Variants in B3GALT1 observed in about 807,000 individuals in gnomAD.
B3GALT1 encodes the protein UDP-Gal:betaGlcNAc beta 1,3-galactosyltransferase, polypeptide 1.
A neutral mutation model predicts 23.2 loss-of-function variants in B3GALT1; 10 were observed. The ratio of observed to expected loss-of-function variants is 0.43; its 90% CI spans 0.27 to 0.73. B3GALT1 has a LOEUF of 0.73. B3GALT1 is among the 30% of genes least tolerant of loss of function. The pLI is 0.21. For missense variants in B3GALT1, 299 were observed against 405.4 expected, an observed-to-expected ratio of 0.74 and a Z score of 2.25; for synonymous variants, 156 against 141.5, an observed-to-expected ratio of 1.10 and a Z score of -0.73.
intron 4 of B3GALT1, among the ~76,000 whole-genome samples, chr2:167,844,561 A>T (rs1259766983): frequency 6.6e-6 from 1 of 152,222 alleles, no homozygotes; most frequent in Non-Finnish European, 1.5e-5. Context: ...CTAGCGAAAT[A>T]CAGGGGTAGA....
chr2:167,716,175 A>T (rs1217147962), intron 3 of B3GALT1: 1 of 1,167,906 alleles, frequency 8.6e-7, no homozygotes, highest in Non-Finnish European at 1.2e-6. Context: ...AACCAACCGG[A>T]GCGGACTACT....
chr2:167,869,749 C>T lies in B3GALT1; in HGVS notation c.710C>T (p.Ser237Leu). 1.2e-6 allele frequency: 2 copies of T among 1,614,102 alleles called. No homozygotes were observed. Among genetic ancestry groups the T allele is most frequent in the African/African-American group, 1.3e-5 (1 of 75,018 alleles). ...GACAGTAACTACCCACCTTTCTGTTCGGGGACTGGCTACATCTTTTCAGCC... is the reference window on the plus strand; with the variant it reads ...GACAGTAACTACCCACCTTTCTGTTTGGGGACTGGCTACATCTTTTCAGCC... ...YPDSNYPPFC[S>L]GTGYIFSADV... The change falls in exon 5 of 5, where the codon TCG (serine) becomes TTG (leucine). Residue 237 changes from serine to leucine, a missense_variant. Ser to Leu is a moderately radical substitution (Grantham distance 145). Coordinates refer to ENST00000392690, the MANE Select transcript of B3GALT1 (RefSeq NM_020981.4). This position sits in a 1 kb window ranked among gnomAD's most constrained non-coding sequence, Gnocchi z 6.4.
chr2:167,477,845 C>G (rs1192638559), intron 1 of B3GALT1, among the ~76,000 whole-genome samples: 1 of 152,188 alleles, frequency 6.6e-6, no homozygotes, highest in Non-Finnish European at 1.5e-5. Context: ...TTTGTCCACC[C>G]ATGCTTTTCC....
intron 3 of B3GALT1, chr2:167,714,261 G>A (rs928615472): frequency 2.4e-4 from 355 of 1,501,868 alleles, no homozygotes; most frequent in Non-Finnish European, 2.6e-4. Context: ...ATCATCCTAC[G>A]GTCCTGTTCC....
chr2:167,622,144 G>A lies in B3GALT1; in HGVS notation c.-409-24765G>A, dbSNP rs144694203. On this transcript the variant is annotated intron_variant, in intron 2 of 4. Coordinates refer to ENST00000392690, the MANE Select transcript of B3GALT1 (RefSeq NM_020981.4). The stretch of plus-strand genomic sequence containing the variant: ...TTCACATAATCTCCTCCACATGTCT[G>A]TGTTCTTGGGAAAGACAATTCTATC... Among the ~76,000 whole-genome samples, 130 of 152,144 alleles carry A rather than the reference G, an allele frequency of 8.5e-4. 1 individual carries two copies. Among genetic ancestry groups the A allele is most frequent in the African/African-American group, 2.8e-3 (118 of 41,538 alleles).
At chr2:167,784,766 A>G (rs965186187) in intron 3 of B3GALT1, among the ~76,000 whole-genome samples, 3 of 152,232 alleles carry the variant, frequency 2.0e-5, no homozygotes, top group African/African-American at 7.2e-5. Flanking sequence ...AGACCACCCA[A>G]TATTCCAAGT....
chr2:167,704,175 A>C (rs1301241930), intron 3 of B3GALT1, among the ~76,000 whole-genome samples: 17 of 92,234 alleles, frequency 1.8e-4, no homozygotes, highest in South Asian at 4.8e-4. Context: ...AGCGAAACTC[A>C]GTCTCAACAA....
Position 167,379,869 on chromosome 2 carries a change from C to G in B3GALT1, c.-511+86535C>G, listed in dbSNP as rs554444726. ...CTTCAAGTTCTCTGCACAGGGGTGG[C>G]CTAAACTTCTAACACAGGAGAATGG... On this transcript the variant is annotated intron_variant, in intron 1 of 4. Coordinates refer to ENST00000392690, the MANE Select transcript of B3GALT1 (RefSeq NM_020981.4). Among the ~76,000 whole-genome samples the G allele has an allele frequency of 2.0e-5, 3 of 152,266 alleles. No individual in the cohort carries two copies. In the South Asian group the frequency reaches 6.2e-4, roughly 32 times the overall value.
chr2:167,659,687 C>T lies in B3GALT1; in HGVS notation c.-352+12721C>T, dbSNP rs141338014. Among the ~76,000 whole-genome samples the T allele has an allele frequency of 2.8e-3, 430 of 152,130 alleles. 1 individual carries two copies. Among genetic ancestry groups the T allele is most frequent in the Middle Eastern group, 0.017 (5 of 294 alleles). ...TTGTAAAGAGACCATTTTAGCCACTCCAGTTGTAAAATATTTCTTTAATCT... is the reference window on the plus strand; with the variant it reads ...TTGTAAAGAGACCATTTTAGCCACTTCAGTTGTAAAATATTTCTTTAATCT... On this transcript the variant is annotated intron_variant, in intron 3 of 4. Coordinates refer to ENST00000392690, the MANE Select transcript of B3GALT1 (RefSeq NM_020981.4).
chr2:167,817,336 G>C (rs964831946), intron 3 of B3GALT1, among the ~76,000 whole-genome samples: 2 of 152,210 alleles, frequency 1.3e-5, no homozygotes, highest in African/African-American at 2.4e-5. Context: ...AATGTGGGTA[G>C]TTGTTACAAA....
chr2:167,735,007 C>G (rs992711253), intron 3 of B3GALT1, among the ~76,000 whole-genome samples: 1 of 152,132 alleles, frequency 6.6e-6, no homozygotes, highest in Non-Finnish European at 1.5e-5. Flanking sequence ...TTCTCACTCT[C>G]TGTTCAAGTA....
intron 4 of B3GALT1, among the ~76,000 whole-genome samples, chr2:167,825,283 C>CAAAAAAAAAAAAAAAAAAA (rs71963760): frequency 4.9e-5 from 4 of 82,216 alleles, no homozygotes; most frequent in African/African-American, 2.0e-4. Context: ...GACTCCGTCT[C>CAAAAAAAAAAAAAAAAAAA]AAAAAAAAAA....
intron 3 of B3GALT1, among the ~76,000 whole-genome samples, chr2:167,687,888 A>G (rs1686642991): frequency 6.6e-6 from 1 of 152,184 alleles, no homozygotes; most frequent in South Asian, 2.1e-4. Context: ...ATTAAATTGA[A>G]ATTATTGCAG....
intron 2 of B3GALT1, among the ~76,000 whole-genome samples, chr2:167,619,125 A>C (rs1329629091): frequency 6.6e-6 from 1 of 151,942 alleles, no homozygotes; most frequent in Non-Finnish European, 1.5e-5. Flanking sequence ...TTCCATTAAA[A>C]AACATCTTTC....
intron 3 of B3GALT1, among the ~76,000 whole-genome samples, chr2:167,720,363 A>G (rs1202179880): frequency 1.3e-5 from 2 of 152,180 alleles, no homozygotes; most frequent in Admixed American, 1.3e-4. Context: ...AAAACATTCC[A>G]TTATCTGTCT....
intron 3 of B3GALT1, among the ~76,000 whole-genome samples, chr2:167,685,028 T>C (rs2105496230): frequency 6.6e-6 from 1 of 152,348 alleles, no homozygotes; most frequent in Middle Eastern, 3.4e-3. Flanking sequence ...AAGGATAATG[T>C]CACCTTACTT....
At chr2:167,382,392 T>A (rs1697857987) in intron 1 of B3GALT1, among the ~76,000 whole-genome samples, 1 of 152,144 alleles carries the variant, frequency 6.6e-6, no homozygotes. Context: ...TAGTTAAGGA[T>A]GTTGCTTATG....
At chr2:167,611,149 T>TA (rs960242224) in intron 2 of B3GALT1, among the ~76,000 whole-genome samples, 5 of 151,362 alleles carry the variant, frequency 3.3e-5, no homozygotes, top group Non-Finnish European at 7.4e-5. Flanking sequence ...AAATAAAAGT[T>TA]AAAAAAAAGA....
chr2:167,697,984 T>G lies in B3GALT1; in HGVS notation c.-352+51018T>G, dbSNP rs139694700. ...TCCTAAAGAAAAGCTTTTAAAAATT[T>G]AAATTATGTAGCATTGGAAATGTAT... On this transcript the variant is annotated intron_variant, in intron 3 of 4. Transcript: ENST00000392690. 1.4e-3 allele frequency among the ~76,000 whole-genome samples: 213 copies of G among 152,356 alleles called. 5 individuals carry two copies. In the East Asian group the frequency reaches 0.031, roughly 22 times the overall value.
Sources: gnomAD v4.1 joint callset for allele counts (sites outside exome capture counted in the v4.1 genomes callset) on GRCh38, gnomAD v4.1.1 for gene constraint, Gnocchi (gnomAD v3.1) non-coding constraint, MANE v1.5 for transcripts, NCBI Gene and HGNC (gene_info 2026-07-23, HGNC 2026-07-21) for gene names.